SCAF4: variants seen among roughly 807,000 people sequenced by gnomAD.
SCAF4 encodes SR-related CTD associated factor 4.
A neutral mutation model predicts 129.8 loss-of-function variants in SCAF4; 25 were observed. That is an observed-to-expected ratio of 0.19 (90% CI 0.14 to 0.27). The LOEUF (loss-of-function observed/expected upper bound fraction) is 0.27, where lower values mean the gene tolerates loss of function less well. SCAF4 is among the 10% of genes least tolerant of loss of function. SCAF4 has a pLI of 1.00. For synonymous variants in SCAF4, 551 were observed against 497.7 expected (o/e 1.11, Z -1.43); for missense variants, 1,246 against 1,457.1 (o/e 0.86, Z 2.36).
In SCAF4 at chr21:31,712,956, C is replaced by G. The variant is rs942421017; in HGVS notation, c.31-6599G>C. On this transcript the variant is annotated intron_variant, in intron 1 of 19. Transcript: ENST00000286835. ...TTGGTCTCTAACTCCTACCCCCTCT[C>G]ACATACACCAATCCCCGACTTTTGT... 7.7e-6 allele frequency: 5 copies of G among 652,542 alleles called. No individual in the cohort carries two copies. In the African/African-American group the frequency reaches 7.9e-5, roughly 10 times the overall value. The allele number at this position is 652,542 out of a possible 1,614,324, so 40.4% of individuals were successfully genotyped here.
intron 1 of SCAF4, chr21:31,706,612 G>A (rs2833485): frequency 0.19 from 87,359 of 449,318 alleles, 12,788 homozygotes; most frequent in African/African-American, 0.51. Flanking sequence ...AATGAAGGAA[G>A]AGCCCAAGAG....
chr21:31,714,073 G>C (rs2050868191), intron 1 of SCAF4, among the ~76,000 whole-genome samples: 1 of 152,050 alleles, frequency 6.6e-6, no homozygotes, highest in Non-Finnish European at 1.5e-5. Flanking sequence ...AGATGACTCT[G>C]GGCAAATTAA....
chr21:31,686,529 G>T (rs537592315), intron 16 of SCAF4, among the ~76,000 whole-genome samples: 1 of 152,078 alleles, frequency 6.6e-6, no homozygotes, highest in Non-Finnish European at 1.5e-5. Context: ...TAATTATGCA[G>T]ATTAAATGAG....
intron 1 of SCAF4, among the ~76,000 whole-genome samples, chr21:31,725,781 A>G (rs2051187210): frequency 1.3e-5 from 2 of 152,222 alleles, no homozygotes; most frequent in Non-Finnish European, 2.9e-5. Context: ...CTGAATGAAA[A>G]AGTGGAATGA....
intron 1 of SCAF4, among the ~76,000 whole-genome samples, chr21:31,724,724 AAAC>A (rs935671093): frequency 2.0e-5 from 3 of 151,916 alleles, no homozygotes; most frequent in African/African-American, 7.3e-5. Context: ...GTGGTAAAGA[AAAC>A]AAACAAAAAA....
intron 19 of SCAF4, among the ~76,000 whole-genome samples, chr21:31,679,626 C>T (rs1317434695): frequency 1.3e-5 from 2 of 152,042 alleles, no homozygotes; most frequent in African/African-American, 4.8e-5. Context: ...AGAATGTTAG[C>T]AAGAGATTCT....
chr21:31,707,178 T>C (rs968594432), intron 1 of SCAF4, among the ~76,000 whole-genome samples: 4 of 152,028 alleles, frequency 2.6e-5, no homozygotes, highest in Non-Finnish European at 5.9e-5. Context: ...TTATATCCTA[T>C]AATGTCTCTA....
intron 1 of SCAF4, among the ~76,000 whole-genome samples, chr21:31,731,052 G>A (rs1235011229): frequency 2.0e-5 from 3 of 152,172 alleles, no homozygotes; most frequent in East Asian, 1.9e-4. Flanking sequence ...AAATTATAAC[G>A]AGCCACCCCC....
intron 5 of SCAF4, 132 bp downstream of exon 5, chr21:31,702,112 A>G (rs2050547087): frequency 4.4e-6 from 6 of 1,369,816 alleles, no homozygotes; most frequent in East Asian, 2.3e-5. Context: ...ATGGAAAGAA[A>G]ATCATACCTT....
At chr21:31,722,225 ACAGT>A (rs1915646185) in intron 1 of SCAF4, among the ~76,000 whole-genome samples, 1 of 152,146 alleles carries the variant, frequency 6.6e-6, no homozygotes, top group African/African-American at 2.4e-5. Context: ...CCCCAGTTAT[ACAGT>A]CAGTTCCCAA....
intron 14 of SCAF4, among the ~76,000 whole-genome samples, 191 bp from the exon 15 acceptor site, chr21:31,691,144 C>G (rs2050251095): frequency 6.6e-6 from 1 of 152,102 alleles, no homozygotes; most frequent in Non-Finnish European, 1.5e-5. Flanking sequence ...TCACTTTGTC[C>G]TAGGATGGAA....
chr21:31,731,979 T>G lies in SCAF4; in HGVS notation c.-287A>C. The G allele has an allele frequency of 4.2e-6, 2 of 472,942 alleles. No individual in the cohort carries two copies. Among genetic ancestry groups the G allele is most frequent in the South Asian group, 8.5e-5 (2 of 23,628 alleles). The allele number at this position is 472,942 out of a possible 1,614,324, so 29.3% of individuals were successfully genotyped here. On this transcript the variant is annotated 5_prime_UTR_variant, in exon 1 of 20. Transcript: ENST00000286835. ...GTCCGTTTGGTGGTGGCGGCTGCGC[T>G]CTGCGTCTCGCTGACACGGCCCCCC... is the stretch of plus-strand genomic sequence containing the variant.
At chr21:31,723,630 G>GTGTGCA (rs59175152) in intron 1 of SCAF4, among the ~76,000 whole-genome samples, 1 of 88,950 alleles carries the variant, frequency 1.1e-5, no homozygotes, top group South Asian at 4.2e-4. Flanking sequence ...GTGTGTGTGT[G>GTGTGCA]CGCGCGCGCG....
At chr21:31,683,189 T>A (rs528843095) in intron 19 of SCAF4, among the ~76,000 whole-genome samples, 2 of 152,180 alleles carry the variant, frequency 1.3e-5, no homozygotes, top group Non-Finnish European at 2.9e-5. Context: ...CACCCGCTCA[T>A]GTAACAAATG....
chr21:31,728,260 G>A (rs1271380609), intron 1 of SCAF4, among the ~76,000 whole-genome samples: 1 of 152,082 alleles, frequency 6.6e-6, no homozygotes, highest in Non-Finnish European at 1.5e-5. Flanking sequence ...CAAACGTACT[G>A]CCTATCACCA....
At chr21:31,673,116 T>G (rs1376353287) in intron 19 of SCAF4, among the ~76,000 whole-genome samples, 3 of 152,202 alleles carry the variant, frequency 2.0e-5, no homozygotes, top group South Asian at 4.1e-4. Flanking sequence ...AGGTTGGTGC[T>G]GCTGAAATAA....
chr21:31,700,208 T>C (rs2050490978), intron 7 of SCAF4, among the ~76,000 whole-genome samples: 2 of 149,344 alleles, frequency 1.3e-5, no homozygotes, highest in Non-Finnish European at 3.0e-5. Context: ...AAATAATATA[T>C]AATTTTATAT....
chr21:31,672,943 G>T (rs73351368), intron 19 of SCAF4, among the ~76,000 whole-genome samples: 3,528 of 152,258 alleles, frequency 0.023, 124 homozygotes, highest in African/African-American at 0.08. Context: ...ACAAAACAAA[G>T]ATCCATACAC....
chr21:31,689,294 CTTTAT>C (rs539738976), intron 15 of SCAF4, among the ~76,000 whole-genome samples: 206 of 151,376 alleles, frequency 1.4e-3, no homozygotes, highest in Non-Finnish European at 2.6e-3. Context: ...TTGAAGCTTC[CTTTAT>C]TTTATTTTAA....
Sources: allele counts gnomAD v4.1 joint callset (sites outside exome capture counted in the v4.1 genomes callset), GRCh38; gene constraint gnomAD v4.1.1; transcripts MANE v1.5; gene names NCBI Gene and HGNC (gene_info 2026-07-23, HGNC 2026-07-21).